The following GPR158 variants were observed in gnomAD, a reference collection of about 807,000 sequenced individuals.
GPR158 encodes G protein-coupled receptor 158.
In GPR158, 30 loss-of-function variants were observed where a neutral mutation model predicts 78.2. The observed-to-expected ratio is 0.38, with a 90% confidence interval of 0.29 to 0.52. The LOEUF (loss-of-function observed/expected upper bound fraction) is 0.52, where lower values mean the gene tolerates loss of function less well. GPR158 is among the 20% of genes least tolerant of loss of function. The probability of loss-of-function intolerance (pLI) is 0.83; values close to 1 mark genes in which losing one functional copy is unlikely to be tolerated. For synonymous variants in GPR158, 581 were observed against 591.1 expected, an observed-to-expected ratio of 0.98 and a Z score of 0.25; for missense variants, 1,463 against 1,523.5, an observed-to-expected ratio of 0.96 and a Z score of 0.66.
chr10:25,336,093 TA>T (rs1017062012), intron 2 of GPR158, among the ~76,000 whole-genome samples: 1 of 152,008 alleles, frequency 6.6e-6, no homozygotes, highest in African/African-American at 2.4e-5. Flanking sequence ...ACTATTATTG[TA>T]AAAAAATGTG....
intron 2 of GPR158, among the ~76,000 whole-genome samples, chr10:25,296,878 G>A (rs1462196270): frequency 2.0e-5 from 3 of 152,150 alleles, no homozygotes; most frequent in Non-Finnish European, 4.4e-5. Flanking sequence ...ATAAATACTC[G>A]TTGAGTGTTG....
chr10:25,462,773 A>T (rs1835373286), intron 4 of GPR158, among the ~76,000 whole-genome samples: 1 of 152,248 alleles, frequency 6.6e-6, no homozygotes, highest in African/African-American at 2.4e-5. Flanking sequence ...CTGAGTTACC[A>T]TAATCTCATG....
At chr10:25,524,469 G>A (rs1836323757) in intron 5 of GPR158, among the ~76,000 whole-genome samples, 2 of 152,308 alleles carry the variant, frequency 1.3e-5, no homozygotes, top group South Asian at 4.1e-4. Context: ...ATAAAATTTA[G>A]AGAGTTCCAA....
intron 5 of GPR158, among the ~76,000 whole-genome samples, chr10:25,499,691 C>T (rs1185813721): frequency 1.3e-5 from 2 of 152,204 alleles, no homozygotes; most frequent in African/African-American, 4.8e-5. Flanking sequence ...GAAGGCCACT[C>T]TGCAGAAGTG....
chr10:25,326,352 T>C (rs1855032864), intron 2 of GPR158, among the ~76,000 whole-genome samples: 1 of 111,200 alleles, frequency 9.0e-6, no homozygotes, highest in African/African-American at 3.9e-5. Context: ...ATGTAGTCTA[T>C]CATTGTTGCT....
chr10:25,464,500 A>G (rs752669172), intron 4 of GPR158, among the ~76,000 whole-genome samples: 8 of 152,208 alleles, frequency 5.3e-5, no homozygotes, highest in Non-Finnish European at 2.9e-5. Flanking sequence ...CTTATTAAGC[A>G]CCAGGTACAA....
chr10:25,377,295 A>G (rs1834094049), intron 2 of GPR158, among the ~76,000 whole-genome samples: 1 of 151,850 alleles, frequency 6.6e-6, no homozygotes, highest in Non-Finnish European at 1.5e-5. Context: ...GCCATCATGT[A>G]TGTTTGTTTC....
chr10:25,392,423 G>A (rs1428798317), intron 2 of GPR158, among the ~76,000 whole-genome samples: 1 of 152,208 alleles, frequency 6.6e-6, no homozygotes, highest in African/African-American at 2.4e-5. Context: ...GGCATAATGT[G>A]CCTAGCAGGC....
chr10:25,190,091 T>C (rs956018286), intron 1 of GPR158, among the ~76,000 whole-genome samples: 1 of 152,130 alleles, frequency 6.6e-6, no homozygotes, highest in Non-Finnish European at 1.5e-5. Context: ...TAGTAAGTAG[T>C]TGAGGAGTTA....
chr10:25,188,523 C>A (rs886797688), intron 1 of GPR158, among the ~76,000 whole-genome samples: 4 of 152,062 alleles, frequency 2.6e-5, no homozygotes, highest in African/African-American at 7.2e-5. Flanking sequence ...ACAAAAACAA[C>A]AAATGGGTAA....
In GPR158 at chr10:25,597,907, A is replaced by T; in HGVS notation, c.2281A>T (p.Ile761Phe). The stretch of plus-strand genomic sequence containing the variant: ...TTCCATCATGAGACGCATTACGGAG[A>T]TCCCAGAGACAGTCAGCCGGCAGTG... ...GRSIMRRITE[I>F]PETVSRQCSK... is the part of the protein sequence containing the mutation. Residue 761 changes from isoleucine to phenylalanine, a missense_variant, in exon 11 of 11, where the codon ATC becomes TTC. Ile to Phe is a conservative substitution (Grantham distance 21). Coordinates refer to ENST00000376351, the MANE Select transcript of GPR158 (RefSeq NM_020752.3). 1 of 1,610,728 alleles carries T rather than the reference A, an allele frequency of 6.2e-7. No individual in the cohort carries two copies. Among genetic ancestry groups the T allele is most frequent in the Non-Finnish European group, 8.5e-7 (1 of 1,178,564 alleles).
At chr10:25,369,110 C>G (rs1364401058) in intron 2 of GPR158, among the ~76,000 whole-genome samples, 3 of 151,688 alleles carry the variant, frequency 2.0e-5, no homozygotes, top group Non-Finnish European at 2.9e-5. Flanking sequence ...ATGTCATCTG[C>G]AAACAGGGAC....
intron 5 of GPR158, among the ~76,000 whole-genome samples, chr10:25,514,498 C>A (rs1267779320): frequency 6.6e-6 from 1 of 152,030 alleles, no homozygotes; most frequent in Non-Finnish European, 1.5e-5. Flanking sequence ...GCATTTATGC[C>A]ATTTACATTC....
intron 5 of GPR158, among the ~76,000 whole-genome samples, chr10:25,498,416 G>C (rs1368692996): frequency 6.6e-6 from 1 of 152,172 alleles, no homozygotes; most frequent in African/African-American, 2.4e-5. Flanking sequence ...CACATTGGAA[G>C]CATCTAAGAC....
chr10:25,563,446 A>T (rs1428954091), intron 6 of GPR158, among the ~76,000 whole-genome samples: 1 of 152,190 alleles, frequency 6.6e-6, no homozygotes, highest in African/African-American at 2.4e-5. Flanking sequence ...ATTACTCATA[A>T]GGAAGGACTT....
chr10:25,555,098 G>T (rs552683193), intron 6 of GPR158, among the ~76,000 whole-genome samples: 13 of 152,134 alleles, frequency 8.5e-5, no homozygotes, highest in Non-Finnish European at 1.8e-4. Flanking sequence ...GAAGGAGAAA[G>T]AAAGAAAAAG....
At chr10:25,565,235 T>G (rs1273076908) in intron 6 of GPR158, among the ~76,000 whole-genome samples, 1 of 152,200 alleles carries the variant, frequency 6.6e-6, no homozygotes, top group East Asian at 1.9e-4. Flanking sequence ...TGTAGGGGCT[T>G]AGAAAATAAA....
rs1324164894 is a variant in GPR158 at position 25,490,958 on chromosome 10, T to C, written c.1404+24239T>C. 2.0e-5 allele frequency among the ~76,000 whole-genome samples: 3 copies of C among 152,250 alleles called. 1 individual carries two copies. Among genetic ancestry groups the C allele is most frequent in the Admixed American group, 1.3e-4 (2 of 15,290 alleles). On this transcript the variant is annotated intron_variant, in intron 5 of 10. Coordinates refer to ENST00000376351, the MANE Select transcript of GPR158 (RefSeq NM_020752.3). ...ACTCATACTAGTTTGTAAGTAGATA[T>C]GTTTAAGGATGTTTATAGTGAAAAT...
At chr10:25,296,436 A>G (rs1215940466) in intron 2 of GPR158, among the ~76,000 whole-genome samples, 1 of 151,646 alleles carries the variant, frequency 6.6e-6, no homozygotes, top group Non-Finnish European at 1.5e-5. Flanking sequence ...TCATTATAAC[A>G]TTATATATTA....
Sources: allele counts gnomAD v4.1 joint callset (sites outside exome capture counted in the v4.1 genomes callset), GRCh38; gene constraint gnomAD v4.1.1; transcripts MANE v1.5; gene names NCBI Gene and HGNC (gene_info 2026-07-23, HGNC 2026-07-21).